The following LIN28B variants were observed in gnomAD, a reference collection of about 807,000 sequenced individuals.
LIN28B encodes protein lin-28 homolog B.
A neutral mutation model predicts 21.9 loss-of-function variants in LIN28B; 5 were observed. The observed-to-expected ratio is 0.23, with a 90% CI of 0.12 to 0.48. LIN28B has a LOEUF of 0.48. LIN28B is among the 20% of genes least tolerant of loss of function. The pLI is 0.98. For synonymous variants in LIN28B, 109 were observed against 111.3 expected, an observed-to-expected ratio of 0.98 and a Z score of 0.13; for missense variants, 245 against 310.5, an observed-to-expected ratio of 0.79 and a Z score of 1.58.
intron 3 of LIN28B, among the ~76,000 whole-genome samples, chr6:105,044,721 A>G (rs1368001081): frequency 6.6e-6 from 1 of 152,184 alleles, no homozygotes; most frequent in African/African-American, 2.4e-5. Flanking sequence ...TTTCATTTCA[A>G]TAGTTTTAGG....
chr6:105,021,354 A>T (rs1771137749), intron 2 of LIN28B, among the ~76,000 whole-genome samples: 1 of 152,110 alleles, frequency 6.6e-6, no homozygotes, highest in Non-Finnish European at 1.5e-5. Flanking sequence ...TCTTTGATAT[A>T]TTGATTTCTT....
chr6:105,056,855 C>A (rs1365642413), intron 3 of LIN28B, among the ~76,000 whole-genome samples: 4 of 152,096 alleles, frequency 2.6e-5, no homozygotes, highest in Non-Finnish European at 5.9e-5. Context: ...CCCTTAGTCC[C>A]AAAAGTCTAC....
chr6:105,025,299 G>C (rs896409824), intron 2 of LIN28B, among the ~76,000 whole-genome samples: 2 of 152,004 alleles, frequency 1.3e-5, no homozygotes, highest in African/African-American at 4.8e-5. Context: ...AGAGGGGTTT[G>C]AAAAAATAAA....
In LIN28B at chr6:105,082,425, C is replaced by T. The variant is rs180838520; in HGVS notation, c.*3642C>T. 1.3e-5 allele frequency: 2 copies of T among 152,686 alleles called. No homozygotes were observed. Among genetic ancestry groups the T allele is most frequent in the South Asian group, 2.1e-4 (1 of 4,818 alleles). The allele number at this position is 152,686 out of a possible 1,614,324, so 9.5% of individuals were successfully genotyped here. On this transcript the variant is annotated 3_prime_UTR_variant, in exon 4 of 4. Coordinates refer to ENST00000345080, the MANE Select transcript of LIN28B (RefSeq NM_001004317.4). ...AACATTCACTATAAGATGAATTATA[C>T]AGGACATGGGAAATCTCATTAAGTC...
chr6:105,079,702 CA>C lies in LIN28B; in HGVS notation c.*921del, dbSNP rs531209361. The C allele has an allele frequency of 2.6e-5, 4 of 152,520 alleles. No homozygotes were observed. The highest frequency in any genetic ancestry group is 2.6e-4 in the Admixed American group (4 of 15,282). The allele number at this position is 152,520 out of a possible 1,614,324, so 9.4% of individuals were successfully genotyped here. On this transcript the variant is annotated 3_prime_UTR_variant, in exon 4 of 4. Coordinates refer to ENST00000345080, the MANE Select transcript of LIN28B (RefSeq NM_001004317.4). ...CAACAGCAGCTTCCCTTGGCTAACTCAATCTTCTACCCATTGCTTAGAGCAG... is the reference window on the plus strand; with the variant it reads ...CAACAGCAGCTTCCCTTGGCTAACTCATCTTCTACCCATTGCTTAGAGCAG...
At chr6:104,994,766 G>A (rs1770565374) in intron 2 of LIN28B, among the ~76,000 whole-genome samples, 3 of 152,202 alleles carry the variant, frequency 2.0e-5, no homozygotes, top group African/African-American at 7.2e-5. Flanking sequence ...AGAGGACGGT[G>A]TGAGACAGTT....
At chr6:104,945,620 T>G (rs1047253365) in intron 2 of LIN28B, among the ~76,000 whole-genome samples, 1 of 152,122 alleles carries the variant, frequency 6.6e-6, no homozygotes, top group Non-Finnish European at 1.5e-5. Flanking sequence ...ATTTTGATCT[T>G]TTTGATTTGA....
chr6:104,966,729 C>G (rs915462141), intron 2 of LIN28B, among the ~76,000 whole-genome samples: 1 of 150,902 alleles, frequency 6.6e-6, no homozygotes, highest in Non-Finnish European at 1.5e-5. Context: ...TCACGCCATT[C>G]TCCTGCCTCA....
chr6:105,013,648 AG>A (rs1425907784), intron 2 of LIN28B, among the ~76,000 whole-genome samples: 1 of 151,626 alleles, frequency 6.6e-6, no homozygotes, highest in African/African-American at 2.4e-5. Context: ...GAGGATTACC[AG>A]GAAGTTGAGG....
At chr6:105,063,845 T>A (rs1202915433) in intron 3 of LIN28B, among the ~76,000 whole-genome samples, 2 of 7,126 alleles carry the variant, frequency 2.8e-4, no homozygotes, top group Non-Finnish European at 1.5e-3. Context: ...AGTCTTAAAA[T>A]TTTTTTTTTT....
chr6:105,004,961 C>T lies in LIN28B; in HGVS notation c.199-21337C>T, dbSNP rs555169476. The stretch of plus-strand genomic sequence containing the variant: ...CTTGGAGAATTTCCTTTCTTCTTTA[C>T]CATTTTTAGATCACGTGTCTTCATC... On this transcript the variant is annotated intron_variant, in intron 2 of 3. Coordinates refer to ENST00000345080, the MANE Select transcript of LIN28B (RefSeq NM_001004317.4). Among the ~76,000 whole-genome samples, 107 of 152,208 alleles carry T rather than the reference C, an allele frequency of 7.0e-4. 1 individual carries two copies. The highest frequency in any genetic ancestry group is 1.7e-3 in the South Asian group (8 of 4,816).
At chr6:105,075,534 C>T (rs568472037) in intron 3 of LIN28B, among the ~76,000 whole-genome samples, 26 of 152,262 alleles carry the variant, frequency 1.7e-4, no homozygotes, top group African/African-American at 6.3e-4. Context: ...ACACTAAATG[C>T]AAATCTTTTC....
chr6:105,060,684 A>G (rs1772108094), intron 3 of LIN28B, among the ~76,000 whole-genome samples: 1 of 152,348 alleles, frequency 6.6e-6, no homozygotes, highest in African/African-American at 2.4e-5. Flanking sequence ...AGCCCAAAAT[A>G]TAGTGACTTT....
chr6:104,956,687 A>C (rs56339318), upstream of LIN28B, among the ~76,000 whole-genome samples: 14,969 of 152,236 alleles, frequency 0.098, 774 homozygotes, highest in Middle Eastern at 0.12. Context: ...CTGCCATGGA[A>C]TAGCTGAATT....
chr6:104,995,359 T>G (rs1223811527), intron 2 of LIN28B, among the ~76,000 whole-genome samples: 3 of 152,060 alleles, frequency 2.0e-5, no homozygotes, highest in Non-Finnish European at 4.4e-5. Flanking sequence ...ATTTCTAGCT[T>G]GAGTTGATTG....
At position 105,053,251 on chromosome 6, in the gene LIN28B, A is replaced by G. The variant is rs1771945969; in HGVS notation, c.384-25163A>G. On this transcript the variant is annotated intron_variant, in intron 3 of 3. Transcript: ENST00000345080. ...ATTTATTGACTTTTTTTGTCCCAAG[A>G]TAGGTTCTATCCTAGACAGTGGCTC... Among the ~76,000 whole-genome samples the G allele has an allele frequency of 5.3e-5, 8 of 152,264 alleles. No homozygotes were observed. The South Asian group carries it at 1.7e-3, about 32-fold the overall frequency.
chr6:105,067,152 T>C (rs1046699079), intron 3 of LIN28B, among the ~76,000 whole-genome samples: 24 of 152,320 alleles, frequency 1.6e-4, no homozygotes, highest in Non-Finnish European at 2.8e-4. Context: ...GATTCTTCCA[T>C]CTAAGCAAGC....
intron 3 of LIN28B, among the ~76,000 whole-genome samples, chr6:105,062,285 A>G (rs1354879997): frequency 6.6e-6 from 1 of 152,042 alleles, no homozygotes; most frequent in Non-Finnish European, 1.5e-5. Context: ...CGCTCTCAGT[A>G]ATTGTGATTG....
intron 3 of LIN28B, 40 bp from the exon 4 acceptor site, chr6:105,078,374 C>A: frequency 1.9e-6 from 3 of 1,548,490 alleles, no homozygotes; most frequent in South Asian, 2.4e-5. Flanking sequence ...TGGATACATG[C>A]TGCCTACTTC....
Sources: allele counts gnomAD v4.1 joint callset (sites outside exome capture counted in the v4.1 genomes callset), GRCh38; gene constraint gnomAD v4.1.1; transcripts MANE v1.5; gene names NCBI Gene and HGNC (gene_info 2026-07-23, HGNC 2026-07-21).